The following FAM76B variants were observed in gnomAD, a reference collection of about 807,000 sequenced individuals.
FAM76B encodes family with sequence similarity 76 member B.
In FAM76B, 16 loss-of-function variants were observed where a neutral mutation model predicts 51.8. That is an observed-to-expected ratio of 0.31 (90% confidence interval 0.21 to 0.47). The LOEUF (loss-of-function observed/expected upper bound fraction) is 0.47, where lower values mean the gene tolerates loss of function less well. FAM76B is among the 20% of genes least tolerant of loss of function. The probability of loss-of-function intolerance (pLI) is 1.00; values close to 1 mark genes in which losing one functional copy is unlikely to be tolerated. For missense variants in FAM76B, 342 were observed against 392.6 expected, an observed-to-expected ratio of 0.87 and a Z score of 1.09; for synonymous variants, 166 against 129.5, an observed-to-expected ratio of 1.28 and a Z score of -1.91.
rs1442122304 is a variant in FAM76B, at chr11:95,776,032, T to G, written c.829-9A>C. 3.3e-6 allele frequency: 5 copies of G among 1,531,794 alleles called. No individual in the cohort carries two copies. Among genetic ancestry groups the G allele is most frequent in the Non-Finnish European group, 4.4e-6 (5 of 1,132,596 alleles). 94.9% of individuals were successfully genotyped at this position (1,531,794 alleles called of 1,614,324 possible). A position where few individuals can be genotyped will look rare whatever the true frequency, so the allele number is the denominator to read the frequency against. ...GCCTTTAGTTCAGTTAACTGAGAGA[T>G]TAAAGAAAAAATATATGTATATATT... is the stretch of plus-strand genomic sequence containing the variant. On this transcript the variant is annotated splice_polypyrimidine_tract_variant and intron_variant, in intron 8 of 9. Coordinates refer to ENST00000358780, the MANE Select transcript of FAM76B (RefSeq NM_144664.5).
At chr11:95,778,417 TCTGGATTGATACAAATATATGA>T (rs1275184073) in intron 8 of FAM76B, among the ~76,000 whole-genome samples, 1 of 151,624 alleles carries the variant, frequency 6.6e-6, no homozygotes, top group East Asian at 1.9e-4. Flanking sequence ...AGTATTTTGA[TCTGGATTGATACAAATATATGA>T]CTGGATTGAT....
At position 95,769,900 on chromosome 11, in the gene FAM76B, GTATTCACTTTA is replaced by G. The variant is rs1859694452; in HGVS notation, c.*1650_*1660del. 6.6e-6 allele frequency: 1 copy of G among 151,224 alleles called. No homozygotes were observed. The highest frequency in any genetic ancestry group is 2.1e-4 in the South Asian group (1 of 4,814). 9.4% of individuals were successfully genotyped at this position (151,224 alleles called of 1,614,324 possible). On this transcript the variant is annotated 3_prime_UTR_variant, in exon 10 of 10. Coordinates refer to ENST00000358780, the MANE Select transcript of FAM76B (RefSeq NM_144664.5). ...TTCAAAATGGACAAAGAATTATTTG[GTATTCACTTTA>G]TAATGAACTATGAGAACAGTCTATT...
intron 5 of FAM76B, among the ~76,000 whole-genome samples, chr11:95,781,281 C>A (rs1055271969): frequency 6.6e-6 from 1 of 152,092 alleles, no homozygotes; most frequent in Non-Finnish European, 1.5e-5. Flanking sequence ...ACATCCCCTA[C>A]CCCTGCCGAT....
chr11:95,779,245 AAAAC>A (rs1470344514), intron 7 of FAM76B: 9 of 877,878 alleles, frequency 1.0e-5, no homozygotes, highest in Admixed American at 2.3e-5. Flanking sequence ...CTAATGAACT[AAAAC>A]AAAGTAACGC....
intron 5 of FAM76B, among the ~76,000 whole-genome samples, chr11:95,780,840 C>T (rs548952133): frequency 1.1e-4 from 16 of 151,932 alleles, no homozygotes; most frequent in Admixed American, 4.6e-4. Flanking sequence ...TGTAAAATCA[C>T]TTAGTACAGT....
intron 8 of FAM76B, among the ~76,000 whole-genome samples, chr11:95,777,056 T>C (rs1266665102): frequency 6.6e-6 from 1 of 151,428 alleles, no homozygotes; most frequent in East Asian, 1.9e-4. Context: ...CTAAGACAAT[T>C]ACTCTATTCA....
intron 9 of FAM76B, among the ~76,000 whole-genome samples, chr11:95,775,584 C>T (rs1465013281): frequency 1.3e-5 from 2 of 151,334 alleles, no homozygotes; most frequent in African/African-American, 4.8e-5. Context: ...CTACTGAAGA[C>T]CTGCTTTTCA....
intron 3 of FAM76B, chr11:95,786,925 T>C (rs1168151483): frequency 6.6e-6 from 1 of 152,250 alleles, no homozygotes; most frequent in Admixed American, 6.5e-5. Flanking sequence ...CAATTTGTAC[T>C]AGGATTGGGT....
intron 9 of FAM76B, among the ~76,000 whole-genome samples, chr11:95,774,797 T>G (rs1005210206): frequency 4.0e-5 from 6 of 151,374 alleles, no homozygotes; most frequent in Admixed American, 1.3e-4. Flanking sequence ...AACAAATTAT[T>G]TGAATGCCTA....
At position 95,788,137 on chromosome 11, in the gene FAM76B, T is replaced by C. The variant is rs1355423487; in HGVS notation, c.152+362A>G. 4.6e-5 allele frequency among the ~76,000 whole-genome samples: 7 copies of C among 152,378 alleles called. 1 individual carries two copies. The East Asian group carries it at 1.3e-3, about 29-fold the overall frequency. ...ACTCCTCTTCTATGTAACAAATTAT[T>C]AGATTTTCACCTTGGAAGGCAGTTG... On this transcript the variant is annotated intron_variant, in intron 2 of 9. Transcript: ENST00000358780.
intron 4 of FAM76B, among the ~76,000 whole-genome samples, chr11:95,785,180 T>C (rs762480830): frequency 2.0e-5 from 3 of 152,234 alleles, no homozygotes; most frequent in Non-Finnish European, 4.4e-5. Flanking sequence ...TTATTTTTAT[T>C]AGTCTCCTGT....
rs1245532379 is a variant in FAM76B, at chr11:95,769,014, G to A, written c.*2547C>T. The stretch of plus-strand genomic sequence containing the variant: ...TAGAAAAAAGTACAAAATGTCAACA[G>A]TCAGATGTGTACAAGTACAGTATTT... On this transcript the variant is annotated 3_prime_UTR_variant, in exon 10 of 10. Coordinates refer to ENST00000358780, the MANE Select transcript of FAM76B (RefSeq NM_144664.5). 6.6e-6 allele frequency: 1 copy of A among 152,390 alleles called. No individual in the cohort carries two copies. The highest frequency in any genetic ancestry group is 1.5e-5 in the Non-Finnish European group (1 of 67,892). 9.4% of individuals were successfully genotyped at this position (152,390 alleles called of 1,614,324 possible).
Position 95,770,101 on chromosome 11 carries a change from T to C in FAM76B, c.*1460A>G, listed in dbSNP as rs1385733209. 1 of 151,544 alleles carries C rather than the reference T, an allele frequency of 6.6e-6. No homozygotes were observed. Among genetic ancestry groups the C allele is most frequent in the Admixed American group, 6.6e-5 (1 of 15,178 alleles). 9.4% of individuals were successfully genotyped at this position (151,544 alleles called of 1,614,324 possible). The stretch of plus-strand genomic sequence containing the variant: ...CAAATTTATCTTTGCCCATAAATTA[T>C]TAAGAGAAGCAACTCACTCTATACA... On this transcript the variant is annotated 3_prime_UTR_variant, in exon 10 of 10. Coordinates refer to ENST00000358780, the MANE Select transcript of FAM76B (RefSeq NM_144664.5).
chr11:95,789,165 C>G, intron 1 of FAM76B: 1 of 1,117,552 alleles, frequency 8.9e-7, no homozygotes, highest in Non-Finnish European at 1.2e-6. Flanking sequence ...GCCCGGCACC[C>G]TCCTGGGCCG....
chr11:95,786,623 C>T (rs10831433), intron 3 of FAM76B: 59,531 of 169,474 alleles, frequency 0.35, 11,324 homozygotes, highest in Middle Eastern at 0.44. Context: ...TTTGAGGAAA[C>T]GTCCTTCTAC....
chr11:95,781,848 CAT>C (rs1860288791), intron 5 of FAM76B, among the ~76,000 whole-genome samples: 1 of 152,256 alleles, frequency 6.6e-6, no homozygotes, highest in Non-Finnish European at 1.5e-5. Flanking sequence ...TAGAATTAAA[CAT>C]CACTAACCTC....
At chr11:95,779,364 A>G in intron 7 of FAM76B, 1 of 535,860 alleles carries the variant, frequency 1.9e-6, no homozygotes, top group South Asian at 2.6e-5. Flanking sequence ...AATGTTCTCC[A>G]TTCAAATTTG....
intron 3 of FAM76B, 45 bp from the exon 4 acceptor site, chr11:95,786,319 T>G (rs766819685): frequency 1.4e-5 from 23 of 1,606,534 alleles, no homozygotes; most frequent in Non-Finnish European, 2.0e-5. Flanking sequence ...CATTAAATAT[T>G]TGCGGCATAG....
intron 3 of FAM76B, chr11:95,786,734 T>A (rs1860608974): frequency 6.6e-6 from 1 of 152,446 alleles, no homozygotes; most frequent in South Asian, 2.1e-4. Context: ...TACTGTGAGT[T>A]TTCAACTTTG....
Sources: gnomAD v4.1 joint callset for allele counts (sites outside exome capture counted in the v4.1 genomes callset) on GRCh38, gnomAD v4.1.1 for gene constraint, MANE v1.5 for transcripts, NCBI Gene and HGNC (gene_info 2026-07-23, HGNC 2026-07-21) for gene names.